SLC35F3: variants seen among roughly 807,000 people sequenced by gnomAD.
The protein encoded by SLC35F3 is solute carrier family 35 member F3.
In SLC35F3, 25 loss-of-function variants were observed where a neutral mutation model predicts 49.9. That is an observed-to-expected ratio of 0.50 (90% confidence interval 0.37 to 0.70). SLC35F3 has a LOEUF of 0.70. Among genes scored for constraint, SLC35F3 ranks in the 30% least tolerant of loss-of-function variants. The pLI, the probability that SLC35F3 is intolerant of heterozygous loss-of-function variation, is 0.00. For missense variants in SLC35F3, 525 were observed against 639.8 expected, an observed-to-expected ratio of 0.82 and a Z score of 1.94; for synonymous variants, 275 against 265.4, an observed-to-expected ratio of 1.04 and a Z score of -0.35.
chr1:234,151,507 A>T (rs1349396202), intron 2 of SLC35F3, among the ~76,000 whole-genome samples: 1 of 151,948 alleles, frequency 6.6e-6, no homozygotes, highest in African/African-American at 2.4e-5. Context: ...GCATTTCAAA[A>T]TGGTAGAAAA....
chr1:234,000,995 G>A (rs568344291), intron 2 of SLC35F3, among the ~76,000 whole-genome samples: 92 of 152,330 alleles, frequency 6.0e-4, no homozygotes, highest in Admixed American at 2.2e-3. Context: ...TACGCCAAGA[G>A]GCAGGAGTAC....
intron 2 of SLC35F3, among the ~76,000 whole-genome samples, chr1:234,105,321 G>T (rs1473205079): frequency 6.6e-6 from 1 of 152,176 alleles, no homozygotes; most frequent in East Asian, 1.9e-4. Context: ...GACTGGGGAA[G>T]CTGCTCCCAA....
intron 2 of SLC35F3, among the ~76,000 whole-genome samples, chr1:234,031,336 A>G (rs577897668): frequency 6.6e-6 from 1 of 152,298 alleles, no homozygotes; most frequent in Non-Finnish European, 1.5e-5. Flanking sequence ...TGTGAACTCA[A>G]AAAGGACCTG....
intron 3 of SLC35F3, chr1:234,285,312 A>C: frequency 2.1e-6 from 1 of 478,516 alleles, no homozygotes; most frequent in Non-Finnish European, 4.2e-6. Flanking sequence ...TGAAATCTGA[A>C]ATTTCTTGGG....
At chr1:233,913,086 G>T (rs761029752) in intron 2 of SLC35F3, among the ~76,000 whole-genome samples, 1 of 152,344 alleles carries the variant, frequency 6.6e-6, no homozygotes, top group South Asian at 2.1e-4. Flanking sequence ...AGATCAGTTT[G>T]CAGTGCCTGG....
At chr1:234,124,471 G>C (rs6669022) in intron 2 of SLC35F3, among the ~76,000 whole-genome samples, 13,707 of 151,976 alleles carry the variant, frequency 0.09, 1,138 homozygotes, top group African/African-American at 0.22. Context: ...TTCCCCTAGG[G>C]GCTGAAATAA....
chr1:234,281,447 A>C (rs1572133235), intron 3 of SLC35F3, among the ~76,000 whole-genome samples: 1 of 152,224 alleles, frequency 6.6e-6, no homozygotes, highest in Admixed American at 6.5e-5. Flanking sequence ...ACAAGTTTGC[A>C]GCCCTTGTTT....
At chr1:234,230,872 T>C (rs1667356415) in intron 2 of SLC35F3, among the ~76,000 whole-genome samples, 1 of 152,226 alleles carries the variant, frequency 6.6e-6, no homozygotes, top group Non-Finnish European at 1.5e-5. Context: ...GGAGAGAGTC[T>C]TGGCCAACTG....
intron 3 of SLC35F3, among the ~76,000 whole-genome samples, chr1:234,272,670 G>C (rs1312548903): frequency 6.6e-6 from 1 of 152,224 alleles, no homozygotes; most frequent in African/African-American, 2.4e-5. Context: ...TTCTGAAGAT[G>C]CTTCTAGAAC....
intron 2 of SLC35F3, among the ~76,000 whole-genome samples, chr1:234,056,664 A>C (rs970405715): frequency 1.3e-5 from 2 of 152,208 alleles, no homozygotes; most frequent in African/African-American, 4.8e-5. Flanking sequence ...TAATGTTTTC[A>C]AGGTTCATCC....
chr1:234,022,847 G>T (rs1200961353), intron 2 of SLC35F3, among the ~76,000 whole-genome samples: 1 of 152,116 alleles, frequency 6.6e-6, no homozygotes, highest in African/African-American at 2.4e-5. Context: ...GATATATTTA[G>T]TGAGTTTTCC....
intron 2 of SLC35F3, among the ~76,000 whole-genome samples, chr1:234,106,558 C>T (rs1665287317): frequency 6.6e-6 from 1 of 152,232 alleles, no homozygotes; most frequent in African/African-American, 2.4e-5. Flanking sequence ...CACACAGAGC[C>T]AGCTCTAGTG....
intron 2 of SLC35F3, among the ~76,000 whole-genome samples, chr1:233,921,288 C>T (rs1040481385): frequency 3.9e-5 from 6 of 152,126 alleles, no homozygotes; most frequent in Admixed American, 6.6e-5. Flanking sequence ...ACAGAGATTT[C>T]TTATATCCGC....
intron 2 of SLC35F3, among the ~76,000 whole-genome samples, chr1:234,125,188 A>G (rs1572061060): frequency 6.6e-6 from 1 of 152,116 alleles, no homozygotes; most frequent in African/African-American, 2.4e-5. Flanking sequence ...AGAGCCTCAC[A>G]CCTGAGCCAG....
At chr1:233,919,653 T>C (rs4920175) in intron 2 of SLC35F3, among the ~76,000 whole-genome samples, 140,903 of 152,222 alleles carry the variant, frequency 0.93, 66,184 homozygotes, top group East Asian at 1. Context: ...GATTGCATTT[T>C]GTGTACTTGG....
intron 3 of SLC35F3, among the ~76,000 whole-genome samples, chr1:234,254,741 G>A (rs777236917): frequency 3.9e-5 from 6 of 152,222 alleles, no homozygotes; most frequent in Non-Finnish European, 8.8e-5. Flanking sequence ...CTCACTCTCT[G>A]TAAAGTTCAC....
Position 233,975,749 on chromosome 1 carries a change from G to A in SLC35F3, c.283+69991G>A, listed in dbSNP as rs574594589. ...GTCGGCCAGCACCCAGAGTGGCCAC[G>A]GGAGGCTCAGGAAGTTCTCAGTACC... On this transcript the variant is annotated intron_variant, in intron 2 of 7. Transcript: ENST00000366618. Among the ~76,000 whole-genome samples the A allele has an allele frequency of 3.3e-5, 5 of 152,300 alleles. No homozygotes were observed. The South Asian group carries it at 6.2e-4, about 19-fold the overall frequency.
intron 2 of SLC35F3, among the ~76,000 whole-genome samples, chr1:234,114,479 C>T (rs1665455523): frequency 6.6e-6 from 1 of 152,014 alleles, no homozygotes; most frequent in Non-Finnish European, 1.5e-5. Context: ...TAATGGAGTA[C>T]TATTAGTTTG....
At chr1:234,302,791 A>G (rs1348447772) in intron 3 of SLC35F3, among the ~76,000 whole-genome samples, 2 of 151,938 alleles carry the variant, frequency 1.3e-5, no homozygotes, top group Non-Finnish European at 2.9e-5. Flanking sequence ...TTCAAACTGT[A>G]CCCCTCAAAG....
Sources: allele counts gnomAD v4.1 joint callset (sites outside exome capture counted in the v4.1 genomes callset), GRCh38; gene constraint gnomAD v4.1.1; transcripts MANE v1.5; gene names NCBI Gene and HGNC (gene_info 2026-07-23, HGNC 2026-07-21).